NME8: variants seen among roughly 807,000 people sequenced by gnomAD.
NME8 encodes the protein protein NME8.
NME8 carries 72 observed loss-of-function variants against 82.3 expected under a neutral mutation model. That is an observed-to-expected ratio of 0.87 (90% CI 0.72 to 1.06). The LOEUF (loss-of-function observed/expected upper bound fraction) is 1.06. NME8 is among the 50% of genes least tolerant of loss of function. The pLI is 0.00. For missense variants in NME8, 712 were observed against 685.4 expected (o/e 1.04, Z -0.43); for synonymous variants, 267 against 228.5 (o/e 1.17, Z -1.52).
chr7:37,868,092 AAGT>A (rs1178145463), intron 11 of NME8, among the ~76,000 whole-genome samples, 194 bp downstream of exon 11: 1 of 152,202 alleles, frequency 6.6e-6, no homozygotes, highest in Non-Finnish European at 1.5e-5. Context: ...GCATTGGAAA[AAGT>A]AGTTGGCTTG....
intron 15 of NME8, among the ~76,000 whole-genome samples, chr7:37,889,371 G>A (rs903466427): frequency 5.6e-4 from 85 of 150,554 alleles, no homozygotes; most frequent in African/African-American, 2.0e-3. Context: ...TTATCTTCAT[G>A]ATTTTCTTTC....
At chr7:37,877,034 A>G (rs1230599529) in intron 12 of NME8, 27 bp downstream of exon 12, 1 of 1,571,996 alleles carries the variant, frequency 6.4e-7, no homozygotes, top group African/African-American at 1.4e-5. Flanking sequence ...AAATTGTTTA[A>G]GTATTTTATA....
At chr7:37,891,284 C>T (rs2131972769) in intron 15 of NME8, among the ~76,000 whole-genome samples, 2 of 151,578 alleles carry the variant, frequency 1.3e-5, no homozygotes, top group Middle Eastern at 6.8e-3. Flanking sequence ...TTGATATAAT[C>T]CCATTTGTCT....
chr7:37,868,398 G>A (rs565277815), intron 11 of NME8, among the ~76,000 whole-genome samples: 3 of 150,674 alleles, frequency 2.0e-5, no homozygotes, highest in Admixed American at 6.6e-5. Context: ...CATGCATTCC[G>A]GAGATGTATA....
At chr7:37,889,064 C>T (rs1785088828) in intron 15 of NME8, among the ~76,000 whole-genome samples, 1 of 151,690 alleles carries the variant, frequency 6.6e-6, no homozygotes, top group African/African-American at 2.4e-5. Context: ...AATATCTGGG[C>T]CTGTTGTTTT....
intron 11 of NME8, among the ~76,000 whole-genome samples, chr7:37,870,543 C>T (rs1341051519): frequency 2.1e-5 from 3 of 144,592 alleles, no homozygotes; most frequent in African/African-American, 7.8e-5. Context: ...GAGTCAAGAT[C>T]GAGCCACTGC....
rs575622940 is a variant in NME8, at chr7:37,895,201, C to T, written c.1544+591C>T. On this transcript the variant is annotated intron_variant, in intron 16 of 17. Coordinates refer to ENST00000199447, the MANE Select transcript of NME8 (RefSeq NM_016616.5). ...TTGTCAAACTATGTATACATAATAA[C>T]ATAAATATTACGATAAGAAATACAC... Among the ~76,000 whole-genome samples the T allele has an allele frequency of 3.9e-5, 6 of 152,230 alleles. No individual in the cohort carries two copies. The East Asian group carries it at 1.2e-3, about 29-fold the overall frequency.
rs572598645 is a variant in NME8 at position 37,878,994 on chromosome 7, C to T, written c.994+1987C>T. Among the ~76,000 whole-genome samples, 6 of 152,064 alleles carry T rather than the reference C, an allele frequency of 3.9e-5. No individual in the cohort carries two copies. In the East Asian group the frequency reaches 1.2e-3, roughly 29 times the overall value. On this transcript the variant is annotated intron_variant, in intron 12 of 17. Coordinates refer to ENST00000199447, the MANE Select transcript of NME8 (RefSeq NM_016616.5). ...GTATCATACAGAATAGAATTGCCAC[C>T]CTAACAATCCCCTGTGTTTTACCTA... is the stretch of plus-strand genomic sequence containing the variant.
rs376306261 is a variant in NME8, at chr7:37,895,053, G to T, written c.1544+443G>T. ...AATAATAATAGTATCTATCTAATAG[G>T]CTTGTTGGCAGGGCTACATAATTGA... On this transcript the variant is annotated intron_variant, in intron 16 of 17. Coordinates refer to ENST00000199447, the MANE Select transcript of NME8 (RefSeq NM_016616.5). Among the ~76,000 whole-genome samples the T allele has an allele frequency of 8.5e-5, 13 of 152,238 alleles. 1 individual carries two copies. Among genetic ancestry groups the T allele is most frequent in the East Asian group, 5.8e-4 (3 of 5,186 alleles).
intron 12 of NME8, among the ~76,000 whole-genome samples, chr7:37,881,534 A>G (rs1784945520): frequency 6.6e-6 from 1 of 152,134 alleles, no homozygotes; most frequent in Non-Finnish European, 1.5e-5. Context: ...ATTTTTTTAT[A>G]CATTGTTAAA....
At chr7:37,896,837 G>A in intron 16 of NME8, 33 bp from the exon 17 acceptor site, 3 of 1,583,192 alleles carry the variant, frequency 1.9e-6, no homozygotes, top group Non-Finnish European at 2.6e-6. Flanking sequence ...GTTTTCAGTA[G>A]GCTGGGTCTT....
At position 37,896,973 on chromosome 7, in the gene NME8, G is replaced by T. The variant is rs772853800; in HGVS notation, c.1648G>T (p.Asp550Tyr). 47 of 1,613,874 alleles carry T rather than the reference G, an allele frequency of 2.9e-5. No homozygotes were observed. Among genetic ancestry groups the T allele is most frequent in the Admixed American group, 1.5e-4 (9 of 59,966 alleles). Residue 550 changes from aspartate to tyrosine, a missense_variant, in exon 17 of 18, where the codon GAC becomes TAC. Coordinates refer to ENST00000199447, the MANE Select transcript of NME8 (RefSeq NM_016616.5). ...AGAAGAAGCAAAATTACTTTCCCCT[G>T]ACTCCATCCGAGCCCAGTTTGGAAT... ...DPEEAKLLSP[D>Y]SIRAQFGISK...
intron 12 of NME8, among the ~76,000 whole-genome samples, chr7:37,882,335 A>C (rs1784959375): frequency 6.6e-6 from 1 of 151,806 alleles, no homozygotes; most frequent in African/African-American, 2.4e-5. Flanking sequence ...AAAAATAGAA[A>C]ACGTAGCCGG....
chr7:37,876,755 A>G, intron 11 of NME8, 77 bp from the exon 12 acceptor site: 1 of 1,044,972 alleles, frequency 9.6e-7, no homozygotes, highest in Non-Finnish European at 1.5e-6. Context: ...ATTTCTGAAC[A>G]TATCAGATTT....
intron 12 of NME8, among the ~76,000 whole-genome samples, chr7:37,883,819 GAGA>G (rs1784999981): frequency 6.6e-6 from 1 of 152,172 alleles, no homozygotes; most frequent in African/African-American, 2.4e-5. Flanking sequence ...GTAGGCAAGA[GAGA>G]AGAAGGTTGA....
intron 14 of NME8, among the ~76,000 whole-genome samples, chr7:37,885,936 C>T (rs1056622845): frequency 2.0e-5 from 3 of 152,166 alleles, no homozygotes; most frequent in African/African-American, 7.2e-5. Context: ...AAGGACACCC[C>T]TCATACTCCC....
chr7:37,873,925 A>G (rs1209650585), intron 11 of NME8, among the ~76,000 whole-genome samples: 1 of 152,218 alleles, frequency 6.6e-6, no homozygotes, highest in Non-Finnish European at 1.5e-5. Context: ...CCAACTGCAT[A>G]CTTGGCAGCA....
At position 37,896,923 on chromosome 7, in the gene NME8, G is replaced by A; in HGVS notation, c.1598G>A (p.Arg533Lys). ...AAGTGGAATGCTGTTGCAGAATGGA[G>A]ACGATTGATGGGCCCAACAGACCCA... The part of the protein sequence containing the change: ...LTKWNAVAEW[R>K]RLMGPTDPEE... Residue 533 changes from arginine (R) to lysine (K), a missense_variant, in exon 17 of 18, where the codon AGA becomes AAA. By Grantham distance (26) the Arg-to-Lys change is conservative. Transcript: ENST00000199447. 1 of 1,613,834 alleles carries A rather than the reference G, an allele frequency of 6.2e-7. No individual in the cohort carries two copies. Among genetic ancestry groups the A allele is most frequent in the Non-Finnish European group, 8.5e-7 (1 of 1,179,852 alleles).
At chr7:37,864,235 G>A in intron 8 of NME8, 113 bp from the exon 9 acceptor site, 1 of 1,304,250 alleles carries the variant, frequency 7.7e-7, no homozygotes, top group African/African-American at 1.5e-5. Flanking sequence ...AGCTATCAAT[G>A]GGCAACAATT....
Sources: allele counts gnomAD v4.1 joint callset (sites outside exome capture counted in the v4.1 genomes callset), GRCh38; gene constraint gnomAD v4.1.1; transcripts MANE v1.5; gene names NCBI Gene and HGNC (gene_info 2026-07-23, HGNC 2026-07-21).